Variants in TRIO observed in about 807,000 individuals in gnomAD.
TRIO encodes triple functional domain protein.
Under a neutral mutation model 351.9 loss-of-function variants are expected in TRIO, and 58 were observed. The ratio of observed to expected loss-of-function variants is 0.16; its 90% CI spans 0.13 to 0.21. The LOEUF (loss-of-function observed/expected upper bound fraction) is 0.21. TRIO is among the 10% of genes least tolerant of loss of function. The pLI is 1.00. For synonymous variants in TRIO, 1,758 were observed against 1,595.7 expected, an observed-to-expected ratio of 1.10 and a Z score of -2.42; for missense variants, 3,201 against 4,027.8, an observed-to-expected ratio of 0.79 and a Z score of 5.56.
chr5:14,393,486 T>C (rs1427000125), intron 27 of TRIO, among the ~76,000 whole-genome samples: 1 of 152,170 alleles, frequency 6.6e-6, no homozygotes, highest in African/African-American at 2.4e-5. Flanking sequence ...GTACAGTTGG[T>C]TTATTTTTTT....
chr5:14,158,843 TAAATAA>T (rs1229932852), intron 1 of TRIO, among the ~76,000 whole-genome samples: 1 of 152,126 alleles, frequency 6.6e-6, no homozygotes, highest in Non-Finnish European at 1.5e-5. Context: ...CTTAAATAAA[TAAATAA>T]AAATAAAGAA....
chr5:14,221,483 A>G (rs1792614948), intron 1 of TRIO, among the ~76,000 whole-genome samples: 2 of 152,264 alleles, frequency 1.3e-5, no homozygotes, highest in Non-Finnish European at 2.9e-5. Context: ...CCTTCTGGAA[A>G]GGTCACCATT....
chr5:14,301,886 A>G (rs895197947), intron 7 of TRIO, among the ~76,000 whole-genome samples: 1 of 152,184 alleles, frequency 6.6e-6, no homozygotes, highest in Non-Finnish European at 1.5e-5. Flanking sequence ...TGTCTTAGAA[A>G]TAAAGAACAG....
intron 40 of TRIO, 86 bp downstream of exon 40, chr5:14,474,183 C>T: frequency 7.6e-7 from 1 of 1,314,896 alleles, no homozygotes; most frequent in Non-Finnish European, 1.1e-6. Context: ...GGAATTTATT[C>T]TGTTCATCGT....
chr5:14,367,229 C>T (rs573047279), intron 16 of TRIO, among the ~76,000 whole-genome samples: 25 of 152,244 alleles, frequency 1.6e-4, no homozygotes, highest in African/African-American at 4.6e-4. Context: ...CCAAAGGTCT[C>T]GGAGGCCAGG....
In TRIO at chr5:14,240,181, G is replaced by C. The variant is rs149826347; in HGVS notation, c.158-30644G>C. Among the ~76,000 whole-genome samples the C allele has an allele frequency of 2.6e-4, 39 of 152,364 alleles. No homozygotes were observed. The East Asian group carries it at 7.3e-3, about 29-fold the overall frequency. On this transcript the variant is annotated intron_variant, in intron 1 of 56. Coordinates refer to ENST00000344204, the MANE Select transcript of TRIO (RefSeq NM_007118.4). ...CATACAGGTTTGTGGAATGAGGCTT[G>C]AGAAACTAAGTGAAGCCTGAAGTTT...
intron 1 of TRIO, among the ~76,000 whole-genome samples, chr5:14,254,541 G>A (rs1794921957): frequency 6.6e-6 from 1 of 152,174 alleles, no homozygotes; most frequent in Admixed American, 6.5e-5. Context: ...TGGAAAGGAA[G>A]GATACAGGAA....
intron 9 of TRIO, among the ~76,000 whole-genome samples, chr5:14,317,716 G>A (rs1346877782): frequency 1.3e-5 from 2 of 152,206 alleles, no homozygotes; most frequent in African/African-American, 4.8e-5. Flanking sequence ...AATGGGCCAG[G>A]TGCGGTGGCT....
intron 33 of TRIO, among the ~76,000 whole-genome samples, chr5:14,419,334 C>G (rs1191190235): frequency 6.6e-6 from 1 of 152,138 alleles, no homozygotes; most frequent in Non-Finnish European, 1.5e-5. Context: ...ATTGCCTGTT[C>G]AGTCCCGTTC....
At chr5:14,303,286 G>T (rs356020) in intron 7 of TRIO, among the ~76,000 whole-genome samples, 3,708 of 123,798 alleles carry the variant, frequency 0.03, 88 homozygotes, top group Middle Eastern at 0.041. Flanking sequence ...ATGGAGGGTG[G>T]CAGTGGAGGA....
chr5:14,229,551 C>G (rs1364295629), intron 1 of TRIO, among the ~76,000 whole-genome samples: 1 of 152,168 alleles, frequency 6.6e-6, no homozygotes, highest in African/African-American at 2.4e-5. Flanking sequence ...GTAATTTGAC[C>G]ATTTGGAATA....
At chr5:14,438,673 C>A (rs1453814051) in intron 34 of TRIO, among the ~76,000 whole-genome samples, 2 of 152,220 alleles carry the variant, frequency 1.3e-5, no homozygotes, top group African/African-American at 4.8e-5. Flanking sequence ...TAGAAATAGG[C>A]CTTGGCGTCA....
chr5:14,290,991 C>T lies in TRIO; in HGVS notation c.816C>T (p.Ile272=). 3.1e-6 allele frequency: 5 copies of T among 1,614,166 alleles called. No homozygotes were observed. The highest frequency in any genetic ancestry group is 1.1e-5 in the South Asian group (1 of 91,074). The part of the protein sequence containing the change: ...QLKKKVIKAP[I]EDLDLEGQKL... Reference sequence around the variant, plus strand: ...AGAAGAAGGTGATTAAGGCCCCCATCGAGGACCTGGATTTGGAGGGACAGA... The same window carrying T: ...AGAAGAAGGTGATTAAGGCCCCCATTGAGGACCTGGATTTGGAGGGACAGA... Residue 272 remains isoleucine (I), a synonymous_variant, in exon 5 of 57, where the codon ATC becomes ATT. Transcript: ENST00000344204.
At chr5:14,381,710 T>C (rs415341) in intron 21 of TRIO, among the ~76,000 whole-genome samples, 127,858 of 152,252 alleles carry the variant, frequency 0.84, 53,849 homozygotes, top group Middle Eastern at 0.85. Flanking sequence ...CTCAGTTTAG[T>C]CTGCAGTTGT....
intron 48 of TRIO, chr5:14,488,717 T>G (rs1756239467): frequency 1.7e-6 from 1 of 571,968 alleles, no homozygotes; most frequent in African/African-American, 1.9e-5. Flanking sequence ...TTGACTCATC[T>G]GCTGGGGAAG....
At position 14,315,289 on chromosome 5, in the gene TRIO, C is replaced by T. The variant is rs577103671; in HGVS notation, c.1501-1224C>T. On this transcript the variant is annotated intron_variant, in intron 8 of 56. Transcript: ENST00000344204. ...TTTTTGAGATGGAGTCTCACTCTGTCGCCCAGGCTGGAGTGCAGTGGCACA... is the reference window on the plus strand; with the variant it reads ...TTTTTGAGATGGAGTCTCACTCTGTTGCCCAGGCTGGAGTGCAGTGGCACA... 1.0e-3 allele frequency among the ~76,000 whole-genome samples: 148 copies of T among 146,598 alleles called. 2 individuals carry two copies. The highest frequency in any genetic ancestry group is 3.6e-3 in the African/African-American group (140 of 38,856).
intron 33 of TRIO, among the ~76,000 whole-genome samples, chr5:14,407,158 G>T (rs371790674): frequency 1.3e-5 from 2 of 152,150 alleles, no homozygotes; most frequent in African/African-American, 4.8e-5. Flanking sequence ...CATGTGGGGA[G>T]AGAGGAGTCC....
chr5:14,204,508 T>A (rs941628272), intron 1 of TRIO, among the ~76,000 whole-genome samples: 8 of 152,174 alleles, frequency 5.3e-5, no homozygotes, highest in Admixed American at 3.9e-4. Flanking sequence ...ACTAACATTG[T>A]ATGGTCAGTG....
intron 20 of TRIO, among the ~76,000 whole-genome samples, chr5:14,380,823 C>T (rs774090479): frequency 1.8e-4 from 28 of 152,150 alleles, no homozygotes; most frequent in Non-Finnish European, 3.1e-4. Context: ...AACCCAAATG[C>T]CCATCAGCAA....
Sources: allele counts gnomAD v4.1 joint callset (sites outside exome capture counted in the v4.1 genomes callset), GRCh38; gene constraint gnomAD v4.1.1; transcripts MANE v1.5; gene names NCBI Gene and HGNC (gene_info 2026-07-23, HGNC 2026-07-21).